RNFT2: variants seen among roughly 807,000 people sequenced by gnomAD.
RNFT2 encodes the protein ring finger protein, transmembrane 2.
In RNFT2, 36 loss-of-function variants were observed where a neutral mutation model predicts 53.0. The observed-to-expected ratio is 0.68, with a 90% confidence interval of 0.52 to 0.90. The LOEUF (loss-of-function observed/expected upper bound fraction) is 0.90, where lower values mean the gene tolerates loss of function less well. Among genes scored for constraint, RNFT2 ranks in the 40% least tolerant of loss-of-function variants. The probability of loss-of-function intolerance (pLI) is 0.00; values close to 1 mark genes in which losing one functional copy is unlikely to be tolerated. For missense variants in RNFT2, 514 were observed against 585.6 expected (o/e 0.88, Z 1.26); for synonymous variants, 260 against 253.2 (o/e 1.03, Z -0.26).
chr12:116,808,718 A>G (rs558072450), intron 7 of RNFT2, among the ~76,000 whole-genome samples: 27 of 152,300 alleles, frequency 1.8e-4, no homozygotes, highest in Middle Eastern at 3.4e-3. Context: ...TTCATTTTCT[A>G]TTGAACCAAA....
intron 3 of RNFT2, among the ~76,000 whole-genome samples, chr12:116,746,659 A>G (rs1165138084): frequency 6.6e-6 from 1 of 152,198 alleles, no homozygotes; most frequent in African/African-American, 2.4e-5. Flanking sequence ...AAAGGGGCAC[A>G]TGATAAGATT....
At chr12:116,782,094 A>AAAAAAAAAAAAAAAAAAAAAAC (rs56234630) in intron 7 of RNFT2, 1 of 149,104 alleles carries the variant, frequency 6.7e-6, no homozygotes, top group South Asian at 2.1e-4. Flanking sequence ...AAAAAAAAAA[A>AAAAAAAAAAAAAAAAAAAAAAC]TGTGGACATC....
chr12:116,748,876 G>A, intron 3 of RNFT2: 1 of 189,554 alleles, frequency 5.3e-6, no homozygotes, highest in Non-Finnish European at 1.1e-5. Context: ...TGTGACTCTG[G>A]ACAAGTTACT....
chr12:116,848,638 C>T (rs1443086163), intron 10 of RNFT2, among the ~76,000 whole-genome samples: 1 of 152,174 alleles, frequency 6.6e-6, no homozygotes, highest in African/African-American at 2.4e-5. Context: ...AGTCCAGCCT[C>T]AGGGCCTTTG....
chr12:116,756,708 TA>T (rs1290668153), intron 5 of RNFT2, among the ~76,000 whole-genome samples: 1 of 152,198 alleles, frequency 6.6e-6, no homozygotes, highest in Non-Finnish European at 1.5e-5. Flanking sequence ...ATCTTTTTGG[TA>T]ATTTGTTGGA....
chr12:116,748,259 C>T (rs954407644), intron 3 of RNFT2, among the ~76,000 whole-genome samples: 5 of 152,122 alleles, frequency 3.3e-5, no homozygotes, highest in Non-Finnish European at 7.4e-5. Flanking sequence ...ACTTGATGTT[C>T]GTAGGAAACT....
rs111895763 is a variant in RNFT2 at position 116,822,467 on chromosome 12, G to A, written c.883-11325G>A. Reference sequence around the variant, plus strand: ...TTTCCAGCTGCGTCACCTGGGGCAGGTTATCTAACTTTTCTGTGCCTCCAT... The same window carrying A: ...TTTCCAGCTGCGTCACCTGGGGCAGATTATCTAACTTTTCTGTGCCTCCAT... On this transcript the variant is annotated intron_variant, in intron 7 of 10. Transcript: ENST00000257575. 7.0e-3 allele frequency among the ~76,000 whole-genome samples: 1,059 copies of A among 152,042 alleles called. 10 individuals are homozygous for A. Among genetic ancestry groups the A allele is most frequent in the African/African-American group, 0.024 (979 of 41,464 alleles).
chr12:116,827,818 C>T (rs1009398214), intron 7 of RNFT2, among the ~76,000 whole-genome samples: 1 of 152,200 alleles, frequency 6.6e-6, no homozygotes, highest in African/African-American at 2.4e-5. Flanking sequence ...CAGAAACCAG[C>T]CTGCAGCTCA....
intron 7 of RNFT2, among the ~76,000 whole-genome samples, chr12:116,818,392 A>G (rs1875808748): frequency 6.6e-6 from 1 of 151,388 alleles, no homozygotes; most frequent in Non-Finnish European, 1.5e-5. Flanking sequence ...CTTTGCCCTT[A>G]GTAACAGGCC....
rs778709118 is a variant in RNFT2, at chr12:116,750,066, G to A, written c.309G>A (p.Glu103=). 5.8e-6 allele frequency: 9 copies of A among 1,546,152 alleles called. No individual in the cohort carries two copies. The South Asian group carries it at 1.1e-4, about 18-fold the overall frequency. The change falls in exon 4 of 11, where the codon GAG becomes GAA. Residue 103 remains glutamate, a synonymous_variant. Transcript: ENST00000257575. The part of the protein sequence containing the change: ...ASREEGGGRG[E]GGAYHHRQPH... ...GGGAGGAAGGAGGGGGCCGGGGCGA[G>A]GGGGGCGCCTACCACCACCGCCAGC...
At position 116,850,610 on chromosome 12, in the gene RNFT2, C is replaced by CTCTTA. The variant is rs1877870119; in HGVS notation, c.*1163_*1164insCTTAT. On this transcript the variant is annotated 3_prime_UTR_variant, in exon 11 of 11. Transcript: ENST00000257575. ...CTGTGAGCCCTGTGAAGTATTTTTT[C>CTCTTA]TTTTCTTTTCTTTTTTTTTTTTTTT... The CTCTTA allele has an allele frequency of 7.4e-6, 1 of 135,582 alleles. No homozygotes were observed. The highest frequency in any genetic ancestry group is 1.6e-5 in the Non-Finnish European group (1 of 63,860). 8.4% of individuals were successfully genotyped at this position (135,582 alleles called of 1,614,324 possible). A position where few individuals can be genotyped will look rare whatever the true frequency, so the allele number is the denominator to read the frequency against.
At chr12:116,807,671 C>T (rs1426407766) in intron 7 of RNFT2, among the ~76,000 whole-genome samples, 1 of 152,198 alleles carries the variant, frequency 6.6e-6, no homozygotes, top group Non-Finnish European at 1.5e-5. Flanking sequence ...TGTGCACCTG[C>T]AGAACCATCG....
chr12:116,844,223 T>G (rs1406050001), intron 10 of RNFT2, among the ~76,000 whole-genome samples: 6 of 152,192 alleles, frequency 3.9e-5, no homozygotes, highest in South Asian at 2.1e-4. Context: ...ATGGGTTTTT[T>G]TTTTGTTTTG....
intron 7 of RNFT2, among the ~76,000 whole-genome samples, chr12:116,785,275 G>GTGTGTGTGT (rs1555261550): frequency 2.9e-4 from 40 of 138,186 alleles, no homozygotes; most frequent in African/African-American, 1.2e-3. Flanking sequence ...GTGTGTGTGT[G>GTGTGTGTGT]GCGGGGGGGG....
intron 7 of RNFT2, among the ~76,000 whole-genome samples, chr12:116,827,964 G>A (rs1876430169): frequency 6.6e-6 from 1 of 152,188 alleles, no homozygotes; most frequent in South Asian, 2.1e-4. Flanking sequence ...ACTGGTTGTT[G>A]AGACTGGCCT....
Position 116,790,239 on chromosome 12 carries a change from A to G in RNFT2, c.882+10891A>G, listed in dbSNP as rs1592960016. ...TAAACATGGCTAAATATTGCTGAGC[A>G]TTTATTATGAGGCAATGTGTTAAGC... On this transcript the variant is annotated intron_variant, in intron 7 of 10. Coordinates refer to ENST00000257575, the MANE Select transcript of RNFT2 (RefSeq NM_001382266.1). Among the ~76,000 whole-genome samples, 4 of 152,228 alleles carry G rather than the reference A, an allele frequency of 2.6e-5. No individual in the cohort carries two copies. The South Asian group carries it at 6.2e-4, about 24-fold the overall frequency.
intron 6 of RNFT2, among the ~76,000 whole-genome samples, chr12:116,770,705 A>G (rs896024698): frequency 8.6e-5 from 13 of 151,982 alleles, no homozygotes; most frequent in African/African-American, 2.9e-4. Context: ...CTTCAGGCGC[A>G]TGTTACCATG....
At chr12:116,801,102 C>G (rs1874772888) in intron 7 of RNFT2, 1 of 152,178 alleles carries the variant, frequency 6.6e-6, no homozygotes, top group Admixed American at 6.6e-5. Context: ...GTTATTGTTC[C>G]CATTCCACAG....
intron 7 of RNFT2, chr12:116,801,246 T>C (rs1490174323): frequency 2.6e-5 from 4 of 152,244 alleles, no homozygotes; most frequent in African/African-American, 9.6e-5. Context: ...CGTCAGGTTT[T>C]ACTGGAACAG....
Sources: allele counts gnomAD v4.1 joint callset (sites outside exome capture counted in the v4.1 genomes callset), GRCh38; gene constraint gnomAD v4.1.1; transcripts MANE v1.5; gene names NCBI Gene and HGNC (gene_info 2026-07-23, HGNC 2026-07-21).